The following TJP2 variants were observed in gnomAD, a reference collection of about 807,000 sequenced individuals.
TJP2 encodes Friedreich ataxia region gene X104 (tight junction protein ZO-2).
Under a neutral mutation model 133.1 loss-of-function variants are expected in TJP2, and 91 were observed. The observed-to-expected ratio is 0.68, with a 90% CI of 0.58 to 0.81. TJP2 has a LOEUF of 0.81. Ranked by LOEUF, TJP2 falls within the 40% of genes least tolerant of loss-of-function variation. The pLI, the probability that TJP2 is intolerant of heterozygous loss-of-function variation, is 0.00. For missense variants in TJP2, 1,541 were observed against 1,565.6 expected, an observed-to-expected ratio of 0.98 and a Z score of 0.26; for synonymous variants, 592 against 583.4, an observed-to-expected ratio of 1.01 and a Z score of -0.21.
intron 1 of TJP2, among the ~76,000 whole-genome samples, chr9:69,139,749 G>A (rs1429606279): frequency 2.0e-5 from 3 of 152,216 alleles, no homozygotes; most frequent in African/African-American, 7.2e-5. Context: ...GATGAGCAGT[G>A]AGAGCGAGAC....
chr9:69,199,178 T>C (rs979997049), intron 1 of TJP2, among the ~76,000 whole-genome samples: 1 of 152,190 alleles, frequency 6.6e-6, no homozygotes, highest in Non-Finnish European at 1.5e-5. Context: ...GCTAGCTGTT[T>C]CTTTACACTA....
chr9:69,134,964 G>GAA (rs1212384441), intron 1 of TJP2, among the ~76,000 whole-genome samples: 3 of 143,750 alleles, frequency 2.1e-5, no homozygotes, highest in Admixed American at 2.1e-4. Context: ...GAGAGAGAGA[G>GAA]AAGAGAGAAG....
Position 69,237,946 on chromosome 9 carries a change from G to T in TJP2, c.2248G>T (p.Glu750Ter). The change falls in exon 15 of 23, where the codon GAG becomes TAG. Residue 750 changes from glutamate to a stop codon, truncating the protein, a stop_gained. Coordinates refer to ENST00000377245, the MANE Select transcript of TJP2 (RefSeq NM_004817.4). LOFTEE classifies it high-confidence loss of function. ...TATAGCAATGGAAAAATTGGCTAAT[G>T]AGTTACCTGACTGGTTTCAAACTGC... is the stretch of plus-strand genomic sequence containing the variant. ...ADIAMEKLAN[E>*]LPDWFQTAKT... 6.2e-7 allele frequency: 1 copy of T among 1,613,530 alleles called. No homozygotes were observed. Among genetic ancestry groups the T allele is most frequent in the Non-Finnish European group, 8.5e-7 (1 of 1,179,642 alleles).
At chr9:69,243,648 G>C (rs1830718699) in intron 17 of TJP2, among the ~76,000 whole-genome samples, 1 of 152,200 alleles carries the variant, frequency 6.6e-6, no homozygotes, top group African/African-American at 2.4e-5. Context: ...TATGGATTTA[G>C]AGACCCAAGT....
Position 69,148,017 on chromosome 9 carries a change from C to T in TJP2, c.-130-3634C>T, listed in dbSNP as rs140251704. On this transcript the variant is annotated intron_variant, in intron 1 of 5. Transcript: ENST00000423935. ...TTGGCTCACTGCAACCTCCGCCTCCCGGGTTCCAGAGATTCTCTTGCCTCA... is the reference window on the plus strand; with the variant it reads ...TTGGCTCACTGCAACCTCCGCCTCCTGGGTTCCAGAGATTCTCTTGCCTCA... Among the ~76,000 whole-genome samples, 623 of 151,860 alleles carry T rather than the reference C, an allele frequency of 4.1e-3. 5 individuals are homozygous for T. The highest frequency in any genetic ancestry group is 0.014 in the African/African-American group (561 of 41,428).
At chr9:69,157,848 A>G (rs1823850788) in intron 2 of TJP2, among the ~76,000 whole-genome samples, 2 of 152,166 alleles carry the variant, frequency 1.3e-5, no homozygotes, top group African/African-American at 4.8e-5. Flanking sequence ...ATGAACCAAC[A>G]AGACAGAGTG....
intron 4 of TJP2, among the ~76,000 whole-genome samples, chr9:69,219,268 C>A (rs1828627154): frequency 6.6e-6 from 1 of 151,898 alleles, no homozygotes; most frequent in Non-Finnish European, 1.5e-5. Flanking sequence ...CTCACCCGGC[C>A]ACATATATGG....
intron 1 of TJP2, chr9:69,204,991 A>G (rs973768586): frequency 1.3e-5 from 17 of 1,356,378 alleles, no homozygotes; most frequent in Non-Finnish European, 1.6e-5. Context: ...GTGCTTTTCA[A>G]AGCGTTTGGC....
intron 3 of TJP2, among the ~76,000 whole-genome samples, chr9:69,217,088 A>C (rs1828446270): frequency 6.6e-6 from 1 of 151,398 alleles, no homozygotes; most frequent in Non-Finnish European, 1.5e-5. Context: ...TTCCGAGTTC[A>C]AGCAATTCTC....
chr9:69,178,875 A>T (rs184895722), intron 1 of TJP2, among the ~76,000 whole-genome samples: 2 of 152,306 alleles, frequency 1.3e-5, no homozygotes, highest in African/African-American at 4.8e-5. Context: ...CTCATGATTC[A>T]TTGCCGAAGA....
At chr9:69,234,614 T>G in intron 12 of TJP2, 67 bp downstream of exon 12, 5 of 1,038,576 alleles carry the variant, frequency 4.8e-6, no homozygotes, top group Non-Finnish European at 7.4e-6. Flanking sequence ...GAGAGAGGTG[T>G]CTTGGTACCA....
intron 21 of TJP2, among the ~76,000 whole-genome samples, chr9:69,252,021 G>A (rs984028420): frequency 6.6e-6 from 1 of 151,868 alleles, no homozygotes; most frequent in African/African-American, 2.4e-5. Context: ...TTGAGACAGG[G>A]TCTCCCTCTG....
At chr9:69,143,029 A>T (rs1327168602) in intron 1 of TJP2, among the ~76,000 whole-genome samples, 1 of 152,202 alleles carries the variant, frequency 6.6e-6, no homozygotes, top group Non-Finnish European at 1.5e-5. Context: ...ATTATGAGAG[A>T]TTCCACACAA....
intron 1 of TJP2, among the ~76,000 whole-genome samples, chr9:69,144,241 G>T (rs188302514): frequency 4.6e-5 from 7 of 152,288 alleles, no homozygotes; most frequent in Admixed American, 3.9e-4. Context: ...ACATCCCAAA[G>T]ATTGTTGGTA....
rs1247188173 is a variant in TJP2, at chr9:69,216,215, AAGCCC to A, written c.115-122_115-118del. The A allele has an allele frequency of 2.6e-6, 3 of 1,163,202 alleles. No homozygotes were observed. In the African/African-American group the frequency reaches 4.6e-5, roughly 18 times the overall value. 72.1% of individuals were successfully genotyped at this position (1,163,202 alleles called of 1,614,324 possible). A position where few individuals can be genotyped will look rare whatever the true frequency, so the allele number is the denominator to read the frequency against. ...TGTTTTGTTTCTCATTTGTTTCTGTAAGCCCATCTGTTCCTGAACAGTCTCTGGTT... is the reference window on the plus strand; with the variant it reads ...TGTTTTGTTTCTCATTTGTTTCTGTAATCTGTTCCTGAACAGTCTCTGGTT... On this transcript the variant is annotated intron_variant, in intron 2 of 22. Coordinates refer to ENST00000377245, the MANE Select transcript of TJP2 (RefSeq NM_004817.4).
At chr9:69,121,288 C>T (rs1822127159), upstream of TJP2, 1 of 985,366 alleles carries the variant, frequency 1.0e-6, no homozygotes, top group Non-Finnish European at 1.2e-6. Context: ...TTCCCGACAC[C>T]CCAAAGTAGC....
At chr9:69,204,569 T>C (rs1355095357) in intron 1 of TJP2, among the ~76,000 whole-genome samples, 1 of 152,288 alleles carries the variant, frequency 6.6e-6, no homozygotes, top group South Asian at 2.1e-4. Flanking sequence ...GGAACTTTGC[T>C]GAGCAAGCAT....
At chr9:69,169,241 C>G (rs935271424) in intron 2 of TJP2, among the ~76,000 whole-genome samples, 1 of 152,074 alleles carries the variant, frequency 6.6e-6, no homozygotes, top group African/African-American at 2.4e-5. Context: ...TATAGCTACC[C>G]CAGGGTATAT....
chr9:69,162,769 T>C (rs1291305892), intron 2 of TJP2, among the ~76,000 whole-genome samples: 3 of 152,236 alleles, frequency 2.0e-5, no homozygotes, highest in Non-Finnish European at 2.9e-5. Context: ...TGCAGAGAGA[T>C]ACCTGGAAAG....
Sources: allele counts gnomAD v4.1 joint callset (sites outside exome capture counted in the v4.1 genomes callset), GRCh38; gene constraint gnomAD v4.1.1; transcripts MANE v1.5; gene names NCBI Gene and HGNC (gene_info 2026-07-23, HGNC 2026-07-21).